AFF2: variants seen among roughly 807,000 people sequenced by gnomAD.
The protein encoded by AFF2 is AF4/FMR2 family member 2.
In AFF2, 14 loss-of-function variants were observed where a neutral mutation model predicts 76.9. The ratio of observed to expected loss-of-function variants is 0.18; its 90% confidence interval spans 0.12 to 0.28. The LOEUF is 0.28. Among genes scored for constraint, AFF2 ranks in the 10% least tolerant of loss-of-function variants. The pLI, the probability that AFF2 is intolerant of heterozygous loss-of-function variation, is 1.00. For synonymous variants in AFF2, 398 were observed against 366.7 expected, an observed-to-expected ratio of 1.09 and a Z score of -0.98; for missense variants, 868 against 1,001.1, an observed-to-expected ratio of 0.87 and a Z score of 1.79.
chrX:148,779,911 T>C (rs1329317939), intron 3 of AFF2, among the ~76,000 whole-genome samples: 8 of 112,259 alleles, frequency 7.1e-5, no homozygotes, highest in African/African-American at 2.6e-4. Context: ...TATTTAGTGC[T>C]TCCTTCAGGA....
intron 7 of AFF2, among the ~76,000 whole-genome samples, chrX:148,859,277 T>G (rs1282120490): frequency 9.2e-6 from 1 of 109,111 alleles, no homozygotes; most frequent in African/African-American, 3.3e-5. Context: ...GGGCTTAATA[T>G]CTGGATGATT....
chrX:148,704,246 A>ATATATATATGTGTGTATATATATATT (rs2054839014), intron 3 of AFF2, among the ~76,000 whole-genome samples: 1 of 29,663 alleles, frequency 3.4e-5, no homozygotes, highest in Non-Finnish European at 6.8e-5. Flanking sequence ...ATATATATTT[A>ATATATATATGTGTGTATATATATATT]TATATATATG....
intron 3 of AFF2, among the ~76,000 whole-genome samples, chrX:148,752,506 A>G (rs1390039402): frequency 1.8e-5 from 2 of 111,968 alleles, no homozygotes; most frequent in Non-Finnish European, 3.8e-5. Flanking sequence ...AGCCCTGAAT[A>G]GCATCCCAAT....
At chrX:148,707,494 T>A (rs1383818697) in intron 3 of AFF2, among the ~76,000 whole-genome samples, 1 of 110,386 alleles carries the variant, frequency 9.1e-6, no homozygotes, top group Non-Finnish European at 1.9e-5. Context: ...ATAATATATA[T>A]ATTTTTTTTC....
At chrX:148,635,372 G>A (rs2054019898) in intron 1 of AFF2, among the ~76,000 whole-genome samples, 1 of 111,435 alleles carries the variant, frequency 9.0e-6, no homozygotes, top group Non-Finnish European at 1.9e-5. Context: ...GAAGAGGCAA[G>A]GATATGGATT....
chrX:148,872,260 A>G (rs1304776320), intron 7 of AFF2, among the ~76,000 whole-genome samples: 1 of 111,708 alleles, frequency 9.0e-6, no homozygotes, highest in African/African-American at 3.3e-5. Flanking sequence ...AAGAATCTTC[A>G]TAACATTAGC....
intron 16 of AFF2, among the ~76,000 whole-genome samples, chrX:148,977,016 C>T (rs1557290339): frequency 8.9e-6 from 1 of 112,046 alleles, no homozygotes; most frequent in African/African-American, 3.3e-5. Flanking sequence ...GGGAAGGTTG[C>T]TGAAAGCGAG....
At chrX:148,752,589 T>C (rs1345900537) in intron 3 of AFF2, among the ~76,000 whole-genome samples, 3 of 112,084 alleles carry the variant, frequency 2.7e-5, no homozygotes, top group Non-Finnish European at 3.8e-5. Flanking sequence ...AGCACGTCCC[T>C]GATTTATTTA....
chrX:148,599,492 C>T (rs1322720749), intron 1 of AFF2, among the ~76,000 whole-genome samples: 4 of 110,575 alleles, frequency 3.6e-5, no homozygotes, highest in Non-Finnish European at 5.7e-5. Flanking sequence ...CATAGAGAAG[C>T]AGTTTTTGTG....
At chrX:148,642,132 G>A (rs1329495415) in intron 1 of AFF2, among the ~76,000 whole-genome samples, 1 of 112,038 alleles carries the variant, frequency 8.9e-6, no homozygotes, top group African/African-American at 3.3e-5. Flanking sequence ...ATAACAGTTT[G>A]CTGCTGCCCT....
At chrX:148,858,569 C>T (rs190065786) in intron 7 of AFF2, among the ~76,000 whole-genome samples, 6 of 111,080 alleles carry the variant, frequency 5.4e-5, no homozygotes, top group East Asian at 2.8e-4. Context: ...GTGATGCTTA[C>T]TTGTATAGGA....
At chrX:148,831,975 A>G (rs1365459938) in intron 4 of AFF2, among the ~76,000 whole-genome samples, 1 of 112,457 alleles carries the variant, frequency 8.9e-6, no homozygotes, top group Non-Finnish European at 1.9e-5. Flanking sequence ...AGATAAAGAA[A>G]CAGATTCAGC....
intron 3 of AFF2, among the ~76,000 whole-genome samples, chrX:148,804,228 G>T (rs1157490714): frequency 3.6e-5 from 4 of 111,497 alleles, no homozygotes; most frequent in Non-Finnish European, 5.7e-5. Context: ...TCTTACATAG[G>T]TAGGGATACA....
chrX:148,843,238 G>T, intron 6 of AFF2, 144 bp from the exon 7 acceptor site: 1 of 517,285 alleles, frequency 1.9e-6, no homozygotes, highest in Non-Finnish European at 3.1e-6. Context: ...TATCTAACTG[G>T]TTCCCCCCCT....
chrX:148,586,291 G>A (rs1480699594), intron 1 of AFF2, among the ~76,000 whole-genome samples: 3 of 111,816 alleles, frequency 2.7e-5, no homozygotes, highest in Non-Finnish European at 3.8e-5. Context: ...TATGGAAGTG[G>A]AAGAATTAGT....
chrX:148,758,882 C>T (rs1557267099), intron 3 of AFF2, among the ~76,000 whole-genome samples: 2 of 111,769 alleles, frequency 1.8e-5, no homozygotes, highest in East Asian at 5.6e-4. Context: ...TATTTCCCAA[C>T]TGTCCTGAGA....
chrX:148,883,608 T>G (rs2071122699), intron 7 of AFF2, among the ~76,000 whole-genome samples: 1 of 111,662 alleles, frequency 9.0e-6, no homozygotes, highest in African/African-American at 3.3e-5. Flanking sequence ...CTGAGGTTTT[T>G]GTTATTGCTG....
intron 1 of AFF2, among the ~76,000 whole-genome samples, chrX:148,512,563 T>C (rs2052493486): frequency 8.9e-6 from 1 of 112,419 alleles, no homozygotes; most frequent in South Asian, 3.6e-4. Context: ...TAGCAAATGA[T>C]GACAGCCAAG....
intron 8 of AFF2, among the ~76,000 whole-genome samples, chrX:148,898,608 G>A (rs1326390830): frequency 8.9e-6 from 1 of 111,804 alleles, no homozygotes; most frequent in Non-Finnish European, 1.9e-5. Context: ...GTGTAAACAA[G>A]AGCCTTACAT....
Sources: gnomAD v4.1 joint callset for allele counts (sites outside exome capture counted in the v4.1 genomes callset) on GRCh38, gnomAD v4.1.1 for gene constraint, MANE v1.5 for transcripts, NCBI Gene and HGNC (gene_info 2026-07-23, HGNC 2026-07-21) for gene names.